The following COL4A6 variants were observed in gnomAD, a reference collection of about 807,000 sequenced individuals.
The protein encoded by COL4A6 is collagen type IV alpha 6 chain.
In COL4A6, 59 loss-of-function variants were observed where a neutral mutation model predicts 126.7. The observed-to-expected ratio is 0.47, with a 90% CI of 0.38 to 0.58. The LOEUF (loss-of-function observed/expected upper bound fraction) is 0.58. COL4A6 is among the 20% of genes least tolerant of loss of function. The pLI is 0.00. For missense variants in COL4A6, 1,285 were observed against 1,337.3 expected, an observed-to-expected ratio of 0.96 and a Z score of 0.61; for synonymous variants, 547 against 496.6, an observed-to-expected ratio of 1.10 and a Z score of -1.35.
chrX:108,305,940 G>A (rs887564879), intron 3 of COL4A6, among the ~76,000 whole-genome samples: 10 of 112,235 alleles, frequency 8.9e-5, no homozygotes, highest in Non-Finnish European at 1.9e-4. Flanking sequence ...ATGCCAATCA[G>A]AAACTAAGAA....
intron 2 of COL4A6, among the ~76,000 whole-genome samples, chrX:108,427,864 G>A (rs1024724392): frequency 2.7e-5 from 3 of 111,983 alleles, no homozygotes; most frequent in Non-Finnish European, 5.6e-5. Context: ...GCCATTTGTT[G>A]GGTTTGTGAC....
At chrX:108,280,321 G>A (rs6622307) in intron 3 of COL4A6, among the ~76,000 whole-genome samples, 28,701 of 109,647 alleles carry the variant, frequency 0.26, 3,198 homozygotes, top group East Asian at 0.61. Flanking sequence ...TATCACCACC[G>A]ATCCCACAGA....
At chrX:108,330,480 C>A (rs1367701332) in intron 2 of COL4A6, among the ~76,000 whole-genome samples, 3 of 111,514 alleles carry the variant, frequency 2.7e-5, no homozygotes, top group Non-Finnish European at 5.7e-5. Context: ...GAATTCACTA[C>A]ATTTTAAGGA....
In COL4A6 at chrX:108,196,652, G is replaced by A. The variant is rs1014338973; in HGVS notation, c.835-73C>T. ...GTCTCCTGGCTTCATCCAAAGCAAG[G>A]AGGCTATTTTAATTAAGCTCCACTC... is the stretch of plus-strand genomic sequence containing the variant. On this transcript the variant is annotated intron_variant, in intron 13 of 44. Transcript: ENST00000334504. 19 of 908,352 alleles carry A rather than the reference G, an allele frequency of 2.1e-5. No individual in the cohort carries two copies. The Admixed American group carries it at 2.5e-4, about 12-fold the overall frequency. 74.9% of individuals were successfully genotyped at this position (908,352 alleles called of 1,213,427 possible).
rs913155401 is a variant in COL4A6 at position 108,243,547 on chromosome X, A to G, written c.145-22173T>C. Among the ~76,000 whole-genome samples, 13 of 111,844 alleles carry G rather than the reference A, an allele frequency of 1.2e-4. No homozygotes were observed. The Admixed American group carries it at 1.2e-3, about 11-fold the overall frequency. ...CCCTGATCTTGGACTTCCAGCTTCT[A>G]GAATTGTGAGAAAATAAATTTCTGT... On this transcript the variant is annotated intron_variant, in intron 3 of 44. Transcript: ENST00000334504.
chrX:108,255,287 C>G (rs907041518), intron 3 of COL4A6, among the ~76,000 whole-genome samples: 8 of 107,238 alleles, frequency 7.5e-5, no homozygotes, highest in African/African-American at 2.7e-4. Context: ...CTCTGATAGC[C>G]TGCTGTTTGA....
intron 41 of COL4A6, 145 bp from the exon 42 acceptor site, chrX:108,161,880 C>G (rs2033952811): frequency 7.0e-6 from 3 of 429,599 alleles, no homozygotes; most frequent in Admixed American, 8.0e-5. Flanking sequence ...CACTGCACAT[C>G]AAGGCTGCAG....
In COL4A6 at chrX:108,163,022, T is replaced by C. The variant is rs746467110; in HGVS notation, c.4086A>G (p.Gln1362=). 15 of 1,196,047 alleles carry C rather than the reference T, an allele frequency of 1.3e-5. No individual in the cohort carries two copies. Among genetic ancestry groups the C allele is most frequent in the Non-Finnish European group, 1.7e-5 (15 of 890,037 alleles). The part of the protein sequence containing the change: ...KAGPRGSSGL[Q]GDPGQTPTAE... Reference sequence around the variant, plus strand: ...CAGTTGGTGTTTGTCCAGGATCACCTTGGAGGCCAGAAGAGCCTGTGGGCA... The same window carrying C: ...CAGTTGGTGTTTGTCCAGGATCACCCTGGAGGCCAGAAGAGCCTGTGGGCA... The change falls in exon 41 of 45, where the codon CAA becomes CAG. Residue 1362 remains glutamine (Q), a synonymous_variant. Transcript: ENST00000334504.
At chrX:108,326,317 G>A (rs924706069) in intron 2 of COL4A6, among the ~76,000 whole-genome samples, 2 of 112,150 alleles carry the variant, frequency 1.8e-5, no homozygotes, top group Admixed American at 9.5e-5. Flanking sequence ...TATAAAACAG[G>A]AATAAATCTG....
At chrX:108,361,051 T>C (rs923135660) in intron 2 of COL4A6, among the ~76,000 whole-genome samples, 3 of 111,231 alleles carry the variant, frequency 2.7e-5, no homozygotes, top group Admixed American at 9.6e-5. Context: ...CTACAGGATA[T>C]TGCAAACATC....
intron 44 of COL4A6, among the ~76,000 whole-genome samples, chrX:108,158,187 A>G (rs73535882): frequency 0.053 from 5,959 of 112,737 alleles, 409 homozygotes; most frequent in African/African-American, 0.18. Flanking sequence ...GGTTATTTTA[A>G]ACTTTGCAGA....
chrX:108,434,366 G>A (rs992303602), intron 2 of COL4A6, among the ~76,000 whole-genome samples: 6 of 109,862 alleles, frequency 5.5e-5, no homozygotes, highest in Non-Finnish European at 1.1e-4. Context: ...TCACAGGCAC[G>A]ATGATGGTGC....
chrX:108,191,318 C>A (rs745608349), intron 19 of COL4A6, 75 bp downstream of exon 19: 91 of 1,121,683 alleles, frequency 8.1e-5, no homozygotes, highest in Non-Finnish European at 1.0e-4. Context: ...GAGATGCCCC[C>A]TCAAAAATCA....
rs923161849 is a variant in COL4A6 at position 108,388,110 on chromosome X, C to T, written c.63+49832G>A. On this transcript the variant is annotated intron_variant, in intron 2 of 44. Coordinates refer to ENST00000334504, the MANE Select transcript of COL4A6 (RefSeq NM_033641.4). ...AAGCTTTTTGATGTGCTGCTGTATTCGGTTTGCCAGTATCTTATTGAGGAT... is the reference window on the plus strand; with the variant it reads ...AAGCTTTTTGATGTGCTGCTGTATTTGGTTTGCCAGTATCTTATTGAGGAT... 4.5e-5 allele frequency among the ~76,000 whole-genome samples: 5 copies of T among 111,938 alleles called. No homozygotes were observed. In the South Asian group the frequency reaches 1.5e-3, roughly 34 times the overall value.
chrX:108,432,083 C>T (rs897675168), intron 2 of COL4A6, among the ~76,000 whole-genome samples: 3 of 112,406 alleles, frequency 2.7e-5, no homozygotes, highest in Non-Finnish European at 5.6e-5. Context: ...GGTTTTTTAT[C>T]TATCTTGTCA....
In COL4A6 at chrX:108,214,223, G is replaced by C. The variant is rs779607860; in HGVS notation, c.330C>G (p.His110Gln). The change falls in exon 6 of 45, where the codon CAC becomes CAG. Residue 110 changes from histidine (H) to glutamine (Q), a missense_variant. His to Gln is a conservative substitution (Grantham distance 24). Coordinates refer to ENST00000334504, the MANE Select transcript of COL4A6 (RefSeq NM_033641.4). ...GFLGINGIPGHPGQPGPRGPP... is the reference protein window; with the variant it reads ...GFLGINGIPGQPGQPGPRGPP... ...GGCCTCTGGGGCCTGGTTGTCCAGG[G>C]TGGCCCTGTTCAAAGAGAAAAGAAG... 2 of 1,190,125 alleles carry C rather than the reference G, an allele frequency of 1.7e-6. No homozygotes were observed. Among genetic ancestry groups the C allele is most frequent in the Non-Finnish European group, 1.1e-6 (1 of 881,265 alleles).
intron 19 of COL4A6, among the ~76,000 whole-genome samples, chrX:108,190,996 G>C (rs2035023156): frequency 8.9e-6 from 1 of 111,824 alleles, no homozygotes; most frequent in Non-Finnish European, 1.9e-5. Context: ...GTCCAGGCTT[G>C]GCTTCTTTTT....
chrX:108,164,180 C>T (rs1189068256), intron 40 of COL4A6, among the ~76,000 whole-genome samples: 1 of 111,732 alleles, frequency 8.9e-6, no homozygotes, highest in East Asian at 2.8e-4. Context: ...CAAGGTACTG[C>T]GAGGTGAACA....
intron 3 of COL4A6, among the ~76,000 whole-genome samples, chrX:108,289,826 A>G (rs1378060956): frequency 8.9e-6 from 1 of 112,172 alleles, no homozygotes; most frequent in Non-Finnish European, 1.9e-5. Context: ...CAATGGCCTC[A>G]TGGAATTCTG....
Sources: gnomAD v4.1 joint callset for allele counts (sites outside exome capture counted in the v4.1 genomes callset) on GRCh38, gnomAD v4.1.1 for gene constraint, MANE v1.5 for transcripts, NCBI Gene and HGNC (gene_info 2026-07-23, HGNC 2026-07-21) for gene names.